Variants in SNX6 observed in about 807,000 individuals in gnomAD.
The protein encoded by SNX6 is sorting nexin-6.
Under a neutral mutation model 63.0 loss-of-function variants are expected in SNX6, and 34 were observed. The ratio of observed to expected loss-of-function variants is 0.54; its 90% CI spans 0.41 to 0.72. SNX6 has a LOEUF of 0.72. Among genes scored for constraint, SNX6 ranks in the 30% least tolerant of loss-of-function variants. The pLI, the probability that SNX6 is intolerant of heterozygous loss-of-function variation, is 0.00. For missense variants in SNX6, 398 were observed against 471.4 expected, an observed-to-expected ratio of 0.84 and a Z score of 1.44; for synonymous variants, 170 against 164.2, an observed-to-expected ratio of 1.04 and a Z score of -0.27.
At chr14:34,570,965 C>T (rs184237160) in intron 11 of SNX6, among the ~76,000 whole-genome samples, 98 of 151,074 alleles carry the variant, frequency 6.5e-4, no homozygotes, top group Middle Eastern at 3.5e-3. Context: ...CCTCGTGATC[C>T]GGCCCCCTTG....
In SNX6 at chr14:34,629,845, G is replaced by T. The variant is rs1883972151; in HGVS notation, c.54+62C>A. 4 of 1,546,700 alleles carry T rather than the reference G, an allele frequency of 2.6e-6. No individual in the cohort carries two copies. In the East Asian group the frequency reaches 7.3e-5, roughly 28 times the overall value. On this transcript the variant is annotated intron_variant, in intron 2 of 13. Transcript: ENST00000362031. The stretch of plus-strand genomic sequence containing the variant: ...GGGGACCCATCCCCGTACCACACCC[G>T]GGGACCCAGGATGGGGAAGGAGGGT...
intron 2 of SNX6, among the ~76,000 whole-genome samples, chr14:34,614,219 G>C (rs1181253811): frequency 1.3e-5 from 2 of 151,994 alleles, no homozygotes; most frequent in Non-Finnish European, 2.9e-5. Context: ...TTGAGCTCAG[G>C]AGTTCAAGAC....
At chr14:34,608,176 AT>A in intron 3 of SNX6, 36 bp from the exon 4 acceptor site, 1 of 1,290,102 alleles carries the variant, frequency 7.8e-7, no homozygotes. Context: ...TAAAAATCAA[AT>A]TTACACTAAA....
chr14:34,623,752 GA>G (rs1412850177), intron 2 of SNX6, among the ~76,000 whole-genome samples: 1 of 152,180 alleles, frequency 6.6e-6, no homozygotes, highest in South Asian at 2.1e-4. Context: ...TATTAATGAA[GA>G]TAAGGAATAC....
intron 5 of SNX6, 21 bp from the exon 6 acceptor site, chr14:34,603,492 T>G: frequency 6.5e-7 from 1 of 1,545,478 alleles, no homozygotes; most frequent in Non-Finnish European, 8.7e-7. Context: ...TATACAAAAT[T>G]AAAGGTAAAA....
chr14:34,624,613 T>C (rs543994549), intron 2 of SNX6, among the ~76,000 whole-genome samples: 1 of 151,622 alleles, frequency 6.6e-6, no homozygotes, highest in Non-Finnish European at 1.5e-5. Context: ...CTGGCCAACA[T>C]GGTGAAACCT....
At chr14:34,617,178 A>C (rs1883448108) in intron 2 of SNX6, among the ~76,000 whole-genome samples, 1 of 152,188 alleles carries the variant, frequency 6.6e-6, no homozygotes, top group South Asian at 2.1e-4. Flanking sequence ...TTTCTGGAAC[A>C]ATACACATTG....
intron 9 of SNX6, among the ~76,000 whole-genome samples, chr14:34,584,641 T>TA (rs1882076099): frequency 6.6e-6 from 1 of 152,058 alleles, no homozygotes; most frequent in Non-Finnish European, 1.5e-5. Context: ...TTCTTATTTA[T>TA]AAGCTTTATC....
intron 2 of SNX6, among the ~76,000 whole-genome samples, chr14:34,624,415 T>C (rs1883745031): frequency 6.6e-6 from 1 of 152,222 alleles, no homozygotes; most frequent in South Asian, 2.1e-4. Context: ...CAATGTTTTC[T>C]TAGGGCACTA....
At chr14:34,624,835 C>T (rs1327902856) in intron 2 of SNX6, among the ~76,000 whole-genome samples, 6 of 152,088 alleles carry the variant, frequency 3.9e-5, no homozygotes, top group African/African-American at 1.4e-4. Flanking sequence ...TGCTGCTTTA[C>T]ATGAAATGCT....
intron 2 of SNX6, among the ~76,000 whole-genome samples, chr14:34,610,271 T>G (rs1883175707): frequency 1.4e-5 from 2 of 147,678 alleles, no homozygotes; most frequent in South Asian, 4.3e-4. Flanking sequence ...GGCAGAAGGC[T>G]TGCTTGAGCC....
At chr14:34,578,139 G>T (rs1460094107) in intron 10 of SNX6, among the ~76,000 whole-genome samples, 1 of 152,110 alleles carries the variant, frequency 6.6e-6, no homozygotes, top group African/African-American at 2.4e-5. Context: ...AGGAGGCAAA[G>T]GTTGCAGTGA....
intron 2 of SNX6, among the ~76,000 whole-genome samples, chr14:34,613,295 C>T (rs187183597): frequency 5.7e-4 from 87 of 152,296 alleles, no homozygotes; most frequent in African/African-American, 2.0e-3. Context: ...GACTTCTGGC[C>T]TTCAGAACTG....
At chr14:34,565,790 T>C (rs1011325440) in intron 13 of SNX6, among the ~76,000 whole-genome samples, 10 of 151,562 alleles carry the variant, frequency 6.6e-5, no homozygotes, top group Admixed American at 1.3e-4. Context: ...CCCGGGTTCA[T>C]GCCATTCTCC....
rs1594697464 is a variant in SNX6, at chr14:34,573,018, G to A, written c.921+2738C>T. ...TTTTTAAAAGACAAGGTCTTACTCT[G>A]TTGTCCAGGCAACAGTATACAGTGG... On this transcript the variant is annotated intron_variant, in intron 11 of 13. Transcript: ENST00000362031. Among the ~76,000 whole-genome samples, 3 of 152,154 alleles carry A rather than the reference G, an allele frequency of 2.0e-5. No homozygotes were observed. The South Asian group carries it at 6.2e-4, about 32-fold the overall frequency.
chr14:34,630,143 AG>A lies in SNX6; in HGVS notation c.-28del. On this transcript the variant is annotated 5_prime_UTR_variant, in exon 1 of 14. Transcript: ENST00000362031. Reference sequence around the variant, plus strand: ...GCTGCTCCGAGGCGAGGGCCGGCGCAGGCGCGCATCTCCCTGCTGCCGGAGG... The same window carrying A: ...GCTGCTCCGAGGCGAGGGCCGGCGCAGCGCGCATCTCCCTGCTGCCGGAGG... 7.7e-7 allele frequency: 1 copy of A among 1,304,690 alleles called. No homozygotes were observed. Among genetic ancestry groups the A allele is most frequent in the South Asian group, 2.3e-5 (1 of 42,816 alleles). The allele number at this position is 1,304,690 out of a possible 1,614,324, so 80.8% of individuals were successfully genotyped here. A position where few individuals can be genotyped will look rare whatever the true frequency, so the allele number is the denominator to read the frequency against.
chr14:34,586,311 G>C lies in SNX6; in HGVS notation c.719-6C>G. The C allele has an allele frequency of 6.3e-7, 1 of 1,596,346 alleles. No homozygotes were observed. Among genetic ancestry groups the C allele is most frequent in the Non-Finnish European group, 8.6e-7 (1 of 1,165,504 alleles). The stretch of plus-strand genomic sequence containing the variant: ...ATTGTAATCATCTGCAGCACCTATG[G>C]AGAAAGTTTTAAGAATTTAGTATAC... On this transcript the variant is annotated splice_region_variant and splice_polypyrimidine_tract_variant and intron_variant, in intron 8 of 13. Transcript: ENST00000362031.
intron 7 of SNX6, 25 bp from the exon 8 acceptor site, chr14:34,593,175 A>G: frequency 1.4e-6 from 2 of 1,417,748 alleles, no homozygotes; most frequent in Middle Eastern, 3.7e-4. Context: ...GAAAATATAA[A>G]CTTTTTTCAC....
intron 11 of SNX6, chr14:34,568,701 G>T: frequency 1.1e-6 from 1 of 889,994 alleles, no homozygotes; most frequent in Non-Finnish European, 1.9e-6. Context: ...AATGCTTCTT[G>T]TTGGCAACTG....
Sources: allele counts gnomAD v4.1 joint callset (sites outside exome capture counted in the v4.1 genomes callset), GRCh38; gene constraint gnomAD v4.1.1; transcripts MANE v1.5; gene names NCBI Gene and HGNC (gene_info 2026-07-23, HGNC 2026-07-21).